The following MNS1 variants were observed in gnomAD, a reference collection of about 807,000 sequenced individuals.
The protein encoded by MNS1 is meiosis specific nuclear structural 1.
Under a neutral mutation model 72.0 loss-of-function variants are expected in MNS1, and 63 were observed. That is an observed-to-expected ratio of 0.87 (90% CI 0.71 to 1.08). The LOEUF (loss-of-function observed/expected upper bound fraction) is 1.08. Ranked by LOEUF, MNS1 falls within the 50% of genes least tolerant of loss-of-function variation. The probability of loss-of-function intolerance (pLI) is 0.00; values close to 1 mark genes in which losing one functional copy is unlikely to be tolerated. For synonymous variants in MNS1, 188 were observed against 172.1 expected (o/e 1.09, Z -0.72); for missense variants, 604 against 562.4 (o/e 1.07, Z -0.75).
chr15:56,446,748 A>C, intron 4 of MNS1, 93 bp downstream of exon 4: 1 of 898,662 alleles, frequency 1.1e-6, no homozygotes, highest in Non-Finnish European at 1.7e-6. Context: ...AGCAGTGTAA[A>C]TTCTTTATAC....
Position 56,443,862 on chromosome 15 carries a change from G to T in MNS1, c.687-8C>A, listed in dbSNP as rs778507458. On this transcript the variant is annotated splice_polypyrimidine_tract_variant and splice_region_variant and intron_variant, in intron 5 of 9. Coordinates refer to ENST00000260453, the MANE Select transcript of MNS1 (RefSeq NM_018365.4). ...AACTTTTGTTGTTTTTCCCTGAAAA[G>T]CAATAACAAGTACAGATTTATAGTA... The T allele has an allele frequency of 1.5e-5, 24 of 1,575,938 alleles. No homozygotes were observed. The highest frequency in any genetic ancestry group is 3.5e-5 in the Admixed American group (2 of 56,466).
At chr15:56,436,528 A>G (rs1355751596) in intron 7 of MNS1, among the ~76,000 whole-genome samples, 1 of 152,178 alleles carries the variant, frequency 6.6e-6, no homozygotes, top group Non-Finnish European at 1.5e-5. Context: ...TTGACACCCT[A>G]ACATCACAAT....
rs2051041640 is a variant in MNS1, at chr15:56,464,100, C to T, written c.151G>A (p.Val51Ile). The T allele has an allele frequency of 1.3e-5, 21 of 1,614,084 alleles. No homozygotes were observed. The highest frequency in any genetic ancestry group is 1.8e-5 in the Non-Finnish European group (21 of 1,180,016). ...AATCTGAGAAATTGCTTGCGCTGAA[C>T]ACGGTTATCATTTTCATTCTGCACC... ...QMVQNENDNR[V>I]QRKQFLRLLQ... Residue 51 changes from valine (V) to isoleucine (I), a missense_variant, in exon 2 of 10, where the codon GTT (valine) becomes ATT (isoleucine). Val to Ile is a conservative substitution (Grantham distance 29). Coordinates refer to ENST00000260453, the MANE Select transcript of MNS1 (RefSeq NM_018365.4).
At chr15:56,451,272 C>T (rs2050945300) in intron 3 of MNS1, among the ~76,000 whole-genome samples, 1 of 152,198 alleles carries the variant, frequency 6.6e-6, no homozygotes, top group South Asian at 2.1e-4. Context: ...ATCTGCTCTG[C>T]TCCTCCTGAA....
In MNS1 at chr15:56,446,859, G is replaced by T. The variant is rs1267771847; in HGVS notation, c.438C>A (p.Ala146=). 1 of 1,607,948 alleles carries T rather than the reference G, an allele frequency of 6.2e-7. No homozygotes were observed. Among genetic ancestry groups the T allele is most frequent in the African/African-American group, 1.3e-5 (1 of 74,884 alleles). ...ERAAQIAEKD[A]IKYEQMKRDA... is the part of the protein sequence containing the mutation. ...TGATTACCATTTGTTCATATTTAATGGCATCCTTTTCAGCAATCTGAGCTG... is the reference window on the plus strand; with the variant it reads ...TGATTACCATTTGTTCATATTTAATTGCATCCTTTTCAGCAATCTGAGCTG... The change falls in exon 4 of 10, where the codon GCC becomes GCA. Residue 146 remains alanine, a synonymous_variant. Transcript: ENST00000260453.
rs181486907 is a variant in MNS1, at chr15:56,430,418, C to T, written c.1395+955G>A. 4.2e-3 allele frequency among the ~76,000 whole-genome samples: 646 copies of T among 152,240 alleles called. 5 individuals are homozygous for T. Among genetic ancestry groups the T allele is most frequent in the African/African-American group, 0.015 (615 of 41,554 alleles). ...ATGGCATCTCCCCATGTTTCCCAGG[C>T]TGGTCTTGAACTCCTGGGCTCAGGT... On this transcript the variant is annotated intron_variant, in intron 9 of 9. Transcript: ENST00000260453.
intron 3 of MNS1, among the ~76,000 whole-genome samples, chr15:56,450,361 A>G (rs1402153366): frequency 6.6e-6 from 1 of 152,290 alleles, no homozygotes; most frequent in South Asian, 2.1e-4. Flanking sequence ...CACTATTTCC[A>G]AAACTTTTTC....
At chr15:56,440,919 T>C (rs865824067) in intron 7 of MNS1, among the ~76,000 whole-genome samples, 77 of 152,308 alleles carry the variant, frequency 5.1e-4, no homozygotes, top group African/African-American at 1.7e-3. Flanking sequence ...ATTTCTACTT[T>C]TAGACTATTG....
chr15:56,452,499 A>G (rs2140371445), intron 3 of MNS1, among the ~76,000 whole-genome samples: 1 of 150,292 alleles, frequency 6.7e-6, no homozygotes, highest in African/African-American at 2.4e-5. Flanking sequence ...AGTATAATCC[A>G]TATTGTTTTG....
At chr15:56,442,820 C>T (rs797066) in intron 7 of MNS1, among the ~76,000 whole-genome samples, 4,639 of 151,962 alleles carry the variant, frequency 0.031, 180 homozygotes, top group East Asian at 0.093. Flanking sequence ...AATAATGTTA[C>T]ACCAAATCCC....
intron 2 of MNS1, among the ~76,000 whole-genome samples, chr15:56,460,779 C>T (rs1192706813): frequency 2.0e-5 from 3 of 152,118 alleles, no homozygotes; most frequent in African/African-American, 7.2e-5. Flanking sequence ...ATTATTTCCA[C>T]TAAATGATAA....
Position 56,444,500 on chromosome 15 carries a change from T to C in MNS1, c.630A>G (p.Leu210=), listed in dbSNP as rs769653991. ...TTTCATCAATCATGAGTTTCTCTTT[T>C]AGCAGCTGCTCATAAGCTTCCTGCT... ...KKKQEAYEQL[L]KEKLMIDEIV... is the part of the protein sequence containing the mutation. Residue 210 remains leucine, a synonymous_variant, in exon 5 of 10, where the codon CTA becomes CTG. Transcript: ENST00000260453. 2.5e-6 allele frequency: 4 copies of C among 1,611,220 alleles called. No individual in the cohort carries two copies. The highest frequency in any genetic ancestry group is 1.3e-5 in the African/African-American group (1 of 74,916).
chr15:56,455,960 G>T (rs540551244), intron 3 of MNS1, among the ~76,000 whole-genome samples: 5 of 152,082 alleles, frequency 3.3e-5, no homozygotes, highest in Admixed American at 1.3e-4. Context: ...AAAACAATGG[G>T]GGGGAAGATA....
At chr15:56,430,317 C>A (rs1231743409) in intron 9 of MNS1, among the ~76,000 whole-genome samples, 32 of 152,158 alleles carry the variant, frequency 2.1e-4, no homozygotes, top group Admixed American at 1.9e-3. Context: ...AGCAATCTTC[C>A]AACCTCAGCC....
chr15:56,434,396 C>A lies in MNS1; in HGVS notation c.1012-1G>T. On this transcript the variant is annotated splice_acceptor_variant, in intron 7 of 9. Transcript: ENST00000260453. LOFTEE classifies it high-confidence loss of function. ...TTCTCAATTTCTTTTCTGCTTCTTC[C>A]TAAACAATACAGCTGAAAGTTAATT... is the stretch of plus-strand genomic sequence containing the variant. 6.2e-7 allele frequency: 1 copy of A among 1,607,390 alleles called. No homozygotes were observed. Among genetic ancestry groups the A allele is most frequent in the Non-Finnish European group, 8.5e-7 (1 of 1,177,090 alleles).
In MNS1 at chr15:56,429,171, T is replaced by A; in HGVS notation, c.1418A>T (p.Asp473Val). ...LPKGVFKKED[D>V]IDLLGEEFRK... ...GAACTCTTCACCAAGCAGATCAATATCATCCTCTTTTTTAAATACTCCCTA... is the reference window on the plus strand; with the variant it reads ...GAACTCTTCACCAAGCAGATCAATAACATCCTCTTTTTTAAATACTCCCTA... Residue 473 changes from aspartate to valine, a missense_variant, in exon 10 of 10, where the codon GAT (aspartate) becomes GTT (valine). By Grantham distance (152) the Asp-to-Val change is radical. Transcript: ENST00000260453. 1 of 1,597,090 alleles carries A rather than the reference T, an allele frequency of 6.3e-7. No homozygotes were observed.
rs2050858845 is a variant in MNS1 at position 56,443,742 on chromosome 15, TTTC to T, written c.796_798del (p.Glu266del). On this transcript the variant is annotated inframe_deletion, in exon 6 of 10. Coordinates refer to ENST00000260453, the MANE Select transcript of MNS1 (RefSeq NM_018365.4). ...TTAGCAAACTCTATGATTTTTCTGTTTTCTTCTTCCATCTCCTCACGTTTCTTT... is the reference window on the plus strand; with the variant it reads ...TTAGCAAACTCTATGATTTTTCTGTTTTCTTCCATCTCCTCACGTTTCTTT... 1 of 1,613,382 alleles carries T rather than the reference TTTC, an allele frequency of 6.2e-7. No individual in the cohort carries two copies.
intron 2 of MNS1, among the ~76,000 whole-genome samples, chr15:56,457,658 C>T (rs1458291449): frequency 6.6e-6 from 1 of 151,980 alleles, no homozygotes; most frequent in South Asian, 2.1e-4. Context: ...GCTGTCCTTA[C>T]AGAAAATTAG....
chr15:56,451,642 A>G (rs1344813257), intron 3 of MNS1, among the ~76,000 whole-genome samples: 1 of 152,108 alleles, frequency 6.6e-6, no homozygotes, highest in Non-Finnish European at 1.5e-5. Context: ...TTCAATTTTG[A>G]TTATAGACAG....
Sources: allele counts gnomAD v4.1 joint callset (sites outside exome capture counted in the v4.1 genomes callset), GRCh38; gene constraint gnomAD v4.1.1; transcripts MANE v1.5; gene names NCBI Gene and HGNC (gene_info 2026-07-23, HGNC 2026-07-21).